RNFT2: variants seen among roughly 807,000 people sequenced by gnomAD.
The protein encoded by RNFT2 is ring finger protein, transmembrane 2, also known as E3 ubiquitin-protein ligase RNFT2.
In RNFT2, 36 loss-of-function variants were observed where a neutral mutation model predicts 53.0. That is an observed-to-expected ratio of 0.68 (90% CI 0.52 to 0.90). The LOEUF (loss-of-function observed/expected upper bound fraction) is 0.90, where lower values mean the gene tolerates loss of function less well. Ranked by LOEUF, RNFT2 falls within the 40% of genes least tolerant of loss-of-function variation. RNFT2 has a pLI of 0.00. For synonymous variants in RNFT2, 260 were observed against 253.2 expected (o/e 1.03, Z -0.26); for missense variants, 514 against 585.6 (o/e 0.88, Z 1.26).
chr12:116,806,591 T>C (rs975514643), intron 7 of RNFT2, among the ~76,000 whole-genome samples: 4 of 151,640 alleles, frequency 2.6e-5, no homozygotes, highest in African/African-American at 7.3e-5. Flanking sequence ...ATAAAAAAAA[T>C]TAATTAAAAA....
chr12:116,757,313 A>G (rs1276788812), intron 5 of RNFT2, among the ~76,000 whole-genome samples: 2 of 151,622 alleles, frequency 1.3e-5, no homozygotes, highest in Non-Finnish European at 2.9e-5. Flanking sequence ...TTTTTGTTTC[A>G]ATTTCATTTA....
intron 7 of RNFT2, among the ~76,000 whole-genome samples, chr12:116,804,024 G>C (rs1874931026): frequency 6.6e-6 from 1 of 152,230 alleles, no homozygotes. Context: ...AACCATGGCA[G>C]TATCTCTGCC....
At chr12:116,831,207 AAAAG>A (rs1011739715) in intron 7 of RNFT2, among the ~76,000 whole-genome samples, 16 of 151,804 alleles carry the variant, frequency 1.1e-4, no homozygotes, top group African/African-American at 3.9e-4. Flanking sequence ...ACAAAAAAAA[AAAAG>A]AGAGAGAGAG....
intron 7 of RNFT2, among the ~76,000 whole-genome samples, chr12:116,830,843 G>A (rs1028992764): frequency 1.4e-4 from 21 of 151,724 alleles, no homozygotes; most frequent in African/African-American, 4.8e-4. Context: ...GGCAGAGGTT[G>A]CAGCGAGCTG....
intron 4 of RNFT2, among the ~76,000 whole-genome samples, chr12:116,750,660 C>T (rs4301877): frequency 0.83 from 125,043 of 150,644 alleles, 53,140 homozygotes; most frequent in East Asian, 0.93. Context: ...ATGCTAGGTG[C>T]ATTATTTAAC....
chr12:116,779,283 A>G lies in RNFT2; in HGVS notation c.817A>G (p.Ile273Val). ...VGIADFVLKY[I>V]TIALKCLIVA... is the part of the protein sequence containing the mutation. ...GATCGCAGACTTTGTTCTGAAGTAC[A>G]TCACCATCGCCCTCAAGTGCCTCAT... Residue 273 changes from isoleucine (I) to valine (V), a missense_variant, in exon 7 of 11, where the codon ATC (isoleucine) becomes GTC (valine). Coordinates refer to ENST00000257575, the MANE Select transcript of RNFT2 (RefSeq NM_001382266.1). 3 of 1,613,992 alleles carry G rather than the reference A, an allele frequency of 1.9e-6. No homozygotes were observed. The highest frequency in any genetic ancestry group is 2.2e-5 in the South Asian group (2 of 91,078).
intron 7 of RNFT2, among the ~76,000 whole-genome samples, chr12:116,784,869 C>G (rs1359294475): frequency 6.6e-6 from 1 of 152,206 alleles, no homozygotes; most frequent in East Asian, 1.9e-4. Context: ...CCACTTCATT[C>G]TTTTCCCTGC....
chr12:116,836,498 A>C (rs1427513024), intron 10 of RNFT2, among the ~76,000 whole-genome samples: 2 of 152,186 alleles, frequency 1.3e-5, no homozygotes, highest in Admixed American at 1.3e-4. Flanking sequence ...TGGTTTCCTT[A>C]GTAAGATGTA....
intron 7 of RNFT2, among the ~76,000 whole-genome samples, chr12:116,831,644 TTAGAG>T (rs200527065): frequency 0.01 from 1,590 of 152,186 alleles, 20 homozygotes; most frequent in East Asian, 0.052. Context: ...CATAGAATTG[TTAGAG>T]TAAAGATTAT....
At chr12:116,740,661 G>T in intron 2 of RNFT2, 140 bp downstream of exon 2, 1 of 796,762 alleles carries the variant, frequency 1.3e-6, no homozygotes, top group Non-Finnish European at 2.1e-6. Context: ...TTACTGATTT[G>T]TCTAGGGTCA....
At chr12:116,742,932 C>T (rs1482570707) in intron 3 of RNFT2, among the ~76,000 whole-genome samples, 54 of 151,206 alleles carry the variant, frequency 3.6e-4, no homozygotes, top group Non-Finnish European at 7.4e-5. Flanking sequence ...AAAATAAAAA[C>T]TTACCCAGCA....
intron 7 of RNFT2, among the ~76,000 whole-genome samples, chr12:116,825,797 T>C (rs562303216): frequency 5.3e-5 from 8 of 152,274 alleles, no homozygotes; most frequent in African/African-American, 1.9e-4. Context: ...ATGAAGAAAC[T>C]GAGGGTCATA....
chr12:116,823,782 G>A (rs1876183379), intron 7 of RNFT2, among the ~76,000 whole-genome samples: 1 of 152,138 alleles, frequency 6.6e-6, no homozygotes, highest in Admixed American at 6.6e-5. Context: ...TGCTAACAGT[G>A]CTGCAGCTAA....
intron 3 of RNFT2, among the ~76,000 whole-genome samples, chr12:116,748,046 C>T (rs752070657): frequency 2.6e-5 from 4 of 152,000 alleles, no homozygotes; most frequent in African/African-American, 4.8e-5. Context: ...AAAAATTAGC[C>T]GCACATGATG....
At chr12:116,784,758 G>A (rs1160401335) in intron 7 of RNFT2, among the ~76,000 whole-genome samples, 1 of 152,014 alleles carries the variant, frequency 6.6e-6, no homozygotes, top group East Asian at 1.9e-4. Flanking sequence ...CCCCAGTGAC[G>A]TGGGAGCCCA....
At chr12:116,820,716 T>C (rs1295004770) in intron 7 of RNFT2, among the ~76,000 whole-genome samples, 1 of 152,148 alleles carries the variant, frequency 6.6e-6, no homozygotes, top group Non-Finnish European at 1.5e-5. Flanking sequence ...AAAATCAGGC[T>C]GGATTTAAAT....
At chr12:116,767,721 A>C (rs1322830565) in intron 6 of RNFT2, among the ~76,000 whole-genome samples, 1 of 152,100 alleles carries the variant, frequency 6.6e-6, no homozygotes, top group East Asian at 1.9e-4. Context: ...CTGGGATTAC[A>C]GACATGCGCC....
chr12:116,785,666 C>T (rs139825617), intron 7 of RNFT2, among the ~76,000 whole-genome samples: 73 of 152,294 alleles, frequency 4.8e-4, no homozygotes, highest in African/African-American at 1.7e-3. Context: ...GGGCAGAGCT[C>T]TGTAAACGGT....
At position 116,750,323 on chromosome 12, in the gene RNFT2, A is replaced by G. The variant is rs1872131323; in HGVS notation, c.550+16A>G. On this transcript the variant is annotated intron_variant, in intron 4 of 10. Coordinates refer to ENST00000257575, the MANE Select transcript of RNFT2 (RefSeq NM_001382266.1). ...CATAAGCTCGGTGAGTTCTGGGGGCATGGGTGTCCTAGCCATGGGCTTCAC... is the reference window on the plus strand; with the variant it reads ...CATAAGCTCGGTGAGTTCTGGGGGCGTGGGTGTCCTAGCCATGGGCTTCAC... 1.9e-6 allele frequency: 3 copies of G among 1,584,194 alleles called. No individual in the cohort carries two copies. Among genetic ancestry groups the G allele is most frequent in the Admixed American group, 1.7e-5 (1 of 57,784 alleles).
Sources: allele counts gnomAD v4.1 joint callset (sites outside exome capture counted in the v4.1 genomes callset), GRCh38; gene constraint gnomAD v4.1.1; transcripts MANE v1.5; gene names NCBI Gene and HGNC (gene_info 2026-07-23, HGNC 2026-07-21).